The following GLI2 variants were observed in gnomAD, a reference collection of about 807,000 sequenced individuals.
GLI2 encodes the protein transcription activator GLI2.
GLI2 carries 22 observed loss-of-function variants against 78.9 expected under a neutral mutation model. The observed-to-expected ratio is 0.28, with a 90% CI of 0.20 to 0.40. GLI2 has a LOEUF of 0.40. GLI2 is among the 10% of genes least tolerant of loss of function. GLI2 has a pLI of 1.00. For missense variants in GLI2, 2,097 were observed against 2,213.2 expected (o/e 0.95, Z 1.05); for synonymous variants, 974 against 963.7 (o/e 1.01, Z -0.20).
At chr2:120,941,510 G>C (rs1266907755) in intron 3 of GLI2, among the ~76,000 whole-genome samples, 1 of 152,184 alleles carries the variant, frequency 6.6e-6, no homozygotes, top group Non-Finnish European at 1.5e-5. Flanking sequence ...TTGCTCTCCA[G>C]GGAGGCCCTG....
intron 1 of GLI2, among the ~76,000 whole-genome samples, chr2:120,746,386 C>G (rs567095054): frequency 2.0e-5 from 3 of 152,226 alleles, no homozygotes; most frequent in East Asian, 1.9e-4. Context: ...CGAGCTGCAC[C>G]CCCCCAGAAG....
intron 2 of GLI2, among the ~76,000 whole-genome samples, chr2:120,856,551 T>A (rs1360567060): frequency 1.3e-5 from 2 of 152,136 alleles, no homozygotes; most frequent in Non-Finnish European, 2.9e-5. Context: ...CTGTAGACTT[T>A]GCAGTGTCCG....
chr2:120,835,778 A>C (rs1346670572), intron 2 of GLI2, among the ~76,000 whole-genome samples: 1 of 152,106 alleles, frequency 6.6e-6, no homozygotes, highest in Non-Finnish European at 1.5e-5. Flanking sequence ...ATGCACAGAA[A>C]GAGATGTGTG....
intron 2 of GLI2, among the ~76,000 whole-genome samples, chr2:120,835,540 C>A (rs1686570930): frequency 6.6e-6 from 1 of 152,130 alleles, no homozygotes; most frequent in South Asian, 2.1e-4. Context: ...CGCCCGCCAC[C>A]ACACCTGGCT....
At chr2:120,980,659 G>A (rs1682676919) in intron 10 of GLI2, among the ~76,000 whole-genome samples, 1 of 152,040 alleles carries the variant, frequency 6.6e-6, no homozygotes, top group East Asian at 1.9e-4. Flanking sequence ...TTAATTGCTT[G>A]TGCTTTTAGC....
chr2:120,760,135 G>A (rs2104643723), intron 1 of GLI2, among the ~76,000 whole-genome samples: 1 of 152,256 alleles, frequency 6.6e-6, no homozygotes, highest in African/African-American at 2.4e-5. Context: ...AGGGTGATGG[G>A]CCAGCTCTGT....
chr2:120,762,659 C>T (rs572351329), intron 1 of GLI2, among the ~76,000 whole-genome samples: 15 of 152,270 alleles, frequency 9.9e-5, no homozygotes, highest in South Asian at 8.3e-4. Flanking sequence ...CCATCGAGAG[C>T]GTCGAGGGCC....
At chr2:120,863,575 A>G (rs754528252) in intron 2 of GLI2, among the ~76,000 whole-genome samples, 3 of 152,230 alleles carry the variant, frequency 2.0e-5, no homozygotes, top group Non-Finnish European at 2.9e-5. Flanking sequence ...TAGAGGTTTT[A>G]ACTGCATCTA....
intron 12 of GLI2, among the ~76,000 whole-genome samples, chr2:120,986,036 C>T (rs1220764461): frequency 3.9e-5 from 6 of 152,242 alleles, no homozygotes; most frequent in African/African-American, 9.6e-5. Context: ...AACTCTGCAC[C>T]GGAATCAGTT....
chr2:120,864,625 C>G (rs1237801825), intron 2 of GLI2, among the ~76,000 whole-genome samples: 1 of 152,362 alleles, frequency 6.6e-6, no homozygotes, highest in Admixed American at 6.5e-5. Flanking sequence ...GTGCCCACCA[C>G]CACACCCAGC....
chr2:120,982,885 C>T lies in GLI2; in HGVS notation c.1632+5C>T. 2 of 1,613,464 alleles carry T rather than the reference C, an allele frequency of 1.2e-6. No individual in the cohort carries two copies. Among genetic ancestry groups the T allele is most frequent in the Non-Finnish European group, 1.7e-6 (2 of 1,179,650 alleles). On this transcript the variant is annotated splice_donor_5th_base_variant and intron_variant, in intron 11 of 13. Transcript: ENST00000361492. ...AATCGCACCCACTCCAACGAGGTAC[C>T]TCTGCGGGGCATGCACTGGGCATGC...
At chr2:120,777,815 A>G (rs997393468) in intron 1 of GLI2, among the ~76,000 whole-genome samples, 16 of 151,324 alleles carry the variant, frequency 1.1e-4, no homozygotes, top group Non-Finnish European at 4.4e-5. Flanking sequence ...TGAGTGGCCC[A>G]GGGTCTCTGC....
chr2:120,743,401 C>T (rs527994758), intron 1 of GLI2, among the ~76,000 whole-genome samples: 7 of 151,744 alleles, frequency 4.6e-5, no homozygotes, highest in Admixed American at 1.3e-4. Flanking sequence ...TTCAGGAGTT[C>T]GAGGCCAGCC....
chr2:120,922,044 C>T (rs1324644666), intron 2 of GLI2, among the ~76,000 whole-genome samples: 1 of 152,208 alleles, frequency 6.6e-6, no homozygotes, highest in African/African-American at 2.4e-5. Flanking sequence ...CCCCCTCTGA[C>T]ACTATGTTAT....
At chr2:120,876,804 G>A (rs1573522091) in intron 2 of GLI2, among the ~76,000 whole-genome samples, 1 of 152,332 alleles carries the variant, frequency 6.6e-6, no homozygotes, top group East Asian at 1.9e-4. Flanking sequence ...TCCGAGGCAG[G>A]TGGAGGCTCA....
intron 2 of GLI2, among the ~76,000 whole-genome samples, chr2:120,920,915 A>AG (rs397953570): frequency 1.4e-5 from 2 of 147,752 alleles, no homozygotes; most frequent in Non-Finnish European, 3.0e-5. Context: ...AAAAAAAAAA[A>AG]CACAAAAGCC....
Position 120,909,726 on chromosome 2 carries a change from G to A in GLI2, c.149-17635G>A, listed in dbSNP as rs551644301. On this transcript the variant is annotated intron_variant, in intron 2 of 13. Coordinates refer to ENST00000361492, the MANE Select transcript of GLI2 (RefSeq NM_001374353.1). ...TAAAAATACAAAAAATTAGCCGGGA[G>A]TGGTGGTGGGCGCCTGTGGTCCCAG... Among the ~76,000 whole-genome samples, 4 of 152,086 alleles carry A rather than the reference G, an allele frequency of 2.6e-5. No individual in the cohort carries two copies. In the East Asian group the frequency reaches 5.8e-4, roughly 22 times the overall value.
chr2:120,971,862 T>C (rs1682191206), intron 7 of GLI2, 79 bp from the exon 8 acceptor site: 1 of 1,249,584 alleles, frequency 8.0e-7, no homozygotes, highest in Admixed American at 1.7e-5. Flanking sequence ...GGAGAGATCC[T>C]AGAGTTAAAG....
In GLI2 at chr2:120,745,972, C is replaced by A. The variant is rs115902691; in HGVS notation, c.-31+9687C>A. 8.9e-4 allele frequency among the ~76,000 whole-genome samples: 136 copies of A among 152,308 alleles called. 1 individual carries two copies. Among genetic ancestry groups the A allele is most frequent in the African/African-American group, 3.1e-3 (130 of 41,560 alleles). The stretch of plus-strand genomic sequence containing the variant: ...TGTGGGCTGGTGCCATTTCCATCTC[C>A]TCTGGGTCTCTGGTGTGCAAGACCT... On this transcript the variant is annotated intron_variant, in intron 1 of 13. Coordinates refer to ENST00000361492, the MANE Select transcript of GLI2 (RefSeq NM_001374353.1).
Sources: allele counts gnomAD v4.1 joint callset (sites outside exome capture counted in the v4.1 genomes callset), GRCh38; gene constraint gnomAD v4.1.1; transcripts MANE v1.5; gene names NCBI Gene and HGNC (gene_info 2026-07-23, HGNC 2026-07-21).